The following NALCN variants were observed in gnomAD, a reference collection of about 807,000 sequenced individuals.
NALCN encodes sodium leak channel NALCN.
Under a neutral mutation model 225.3 loss-of-function variants are expected in NALCN, and 111 were observed. That is an observed-to-expected ratio of 0.49 (90% CI 0.42 to 0.58). The LOEUF (loss-of-function observed/expected upper bound fraction) is 0.58, where lower values mean the gene tolerates loss of function less well. Among genes scored for constraint, NALCN ranks in the 20% least tolerant of loss-of-function variants. The probability of loss-of-function intolerance (pLI) is 0.00; values close to 1 mark genes in which losing one functional copy is unlikely to be tolerated. For missense variants in NALCN, 1,378 were observed against 2,202.4 expected, an observed-to-expected ratio of 0.63 and a Z score of 7.49; for synonymous variants, 764 against 769.0, an observed-to-expected ratio of 0.99 and a Z score of 0.11.
chr13:101,236,680 C>T lies in NALCN; in HGVS notation c.1434+1075G>A, dbSNP rs1276775873. Reference sequence around the variant, plus strand: ...ATCGCAAGAACAAAAAACCAAACACCGCATATTCTCACTCATAGGTGGGAA... The same window carrying T: ...ATCGCAAGAACAAAAAACCAAACACTGCATATTCTCACTCATAGGTGGGAA... On this transcript the variant is annotated intron_variant, in intron 12 of 43. Transcript: ENST00000251127. 3.4e-4 allele frequency among the ~76,000 whole-genome samples: 50 copies of T among 147,752 alleles called. 1 individual carries two copies. Among genetic ancestry groups the T allele is most frequent in the Non-Finnish European group, 6.8e-4 (46 of 67,430 alleles).
intron 18 of NALCN, among the ~76,000 whole-genome samples, chr13:101,118,680 G>A (rs1473379760): frequency 1.3e-5 from 2 of 152,124 alleles, no homozygotes; most frequent in Non-Finnish European, 2.9e-5. Flanking sequence ...GAATTGCAAA[G>A]ATAAATATTT....
chr13:101,215,681 CT>C (rs58105302), intron 13 of NALCN, among the ~76,000 whole-genome samples: 2 of 150,770 alleles, frequency 1.3e-5, no homozygotes, highest in East Asian at 1.9e-4. Flanking sequence ...TGGAGGCTTA[CT>C]TTTTTTTTCC....
In NALCN at chr13:101,150,153, TGTTG is replaced by T. The variant is rs1395659085; in HGVS notation, c.1840-5261_1840-5258del. ...CCAGACGCAACAACAGAGTACATAC[TGTTG>T]TATGTACTCCATTCCACGTGGAGGA... On this transcript the variant is annotated intron_variant, in intron 15 of 43. Transcript: ENST00000251127. 2.9e-3 allele frequency among the ~76,000 whole-genome samples: 28 copies of T among 9,516 alleles called. No homozygotes were observed. In the South Asian group the frequency reaches 0.031, roughly 10 times the overall value. 6.2% of individuals were successfully genotyped at this position (9,516 alleles called of 152,430 possible).
chr13:101,318,319 C>T (rs1263717696), intron 7 of NALCN, among the ~76,000 whole-genome samples: 2 of 152,096 alleles, frequency 1.3e-5, no homozygotes, highest in East Asian at 1.9e-4. Context: ...CAGCCAGACA[C>T]GCTGGCTGCG....
At chr13:101,099,010 A>T (rs1362728535) in intron 27 of NALCN, among the ~76,000 whole-genome samples, 1 of 147,492 alleles carries the variant, frequency 6.8e-6, no homozygotes, top group East Asian at 1.9e-4. Flanking sequence ...TGTCACCATC[A>T]ATCTTCAGCT....
At chr13:101,324,063 T>C (rs995450251) in intron 7 of NALCN, among the ~76,000 whole-genome samples, 4 of 152,174 alleles carry the variant, frequency 2.6e-5, no homozygotes, top group Non-Finnish European at 5.9e-5. Flanking sequence ...TCAGAAAATA[T>C]GCATTATTAG....
At chr13:101,267,529 G>A (rs1339316733) in intron 10 of NALCN, among the ~76,000 whole-genome samples, 1 of 152,234 alleles carries the variant, frequency 6.6e-6, no homozygotes, top group Non-Finnish European at 1.5e-5. Context: ...TGAGATGGTA[G>A]CAAAGGTGAA....
chr13:101,295,546 C>A (rs918927370), intron 7 of NALCN, among the ~76,000 whole-genome samples: 1 of 152,082 alleles, frequency 6.6e-6, no homozygotes, highest in Non-Finnish European at 1.5e-5. Flanking sequence ...AAAAAGAGCA[C>A]ATTGAACTAG....
chr13:101,179,259 G>A (rs556097033), intron 14 of NALCN, among the ~76,000 whole-genome samples: 11 of 152,092 alleles, frequency 7.2e-5, no homozygotes, highest in Admixed American at 1.3e-4. Context: ...AGTGAGTTTC[G>A]GTGCTCTCGT....
chr13:101,292,019 T>A lies in NALCN; in HGVS notation c.1018A>T (p.Ser340Cys). Reference protein sequence around the residue: ...VQFQQMWGSRSSTTSTATTQM... With the variant: ...VQFQQMWGSRCSTTSTATTQM... Reference sequence around the variant, plus strand: ...GTGGTGGCTGTTGAGGTAGTGCTGCTTCTCGATCCCCACATTTGTTGAAAC... The same window carrying A: ...GTGGTGGCTGTTGAGGTAGTGCTGCATCTCGATCCCCACATTTGTTGAAAC... The change falls in exon 9 of 44, where the codon AGC becomes TGC. Residue 340 changes from serine to cysteine, a missense_variant. Transcript: ENST00000251127. The surrounding 1 kb of genome is among the most constrained non-coding windows in gnomAD (Gnocchi z 4.3). 6.2e-7 allele frequency: 1 copy of A among 1,614,110 alleles called. No individual in the cohort carries two copies. Among genetic ancestry groups the A allele is most frequent in the Middle Eastern group, 1.7e-4 (1 of 6,060 alleles).
At chr13:101,123,524 G>T (rs2036082006) in intron 18 of NALCN, among the ~76,000 whole-genome samples, 1 of 152,070 alleles carries the variant, frequency 6.6e-6, no homozygotes, top group African/African-American at 2.4e-5. Context: ...TGGGGCGCAG[G>T]TTGTCTATTT....
intron 13 of NALCN, among the ~76,000 whole-genome samples, chr13:101,201,063 T>C (rs1254083422): frequency 6.6e-6 from 1 of 152,208 alleles, no homozygotes; most frequent in East Asian, 1.9e-4. Flanking sequence ...TTTGTGTGCA[T>C]ATAAATGCTT....
At chr13:101,091,965 T>C (rs2034255938) in intron 28 of NALCN, among the ~76,000 whole-genome samples, 1 of 152,200 alleles carries the variant, frequency 6.6e-6, no homozygotes, top group African/African-American at 2.4e-5. Context: ...TTTTCAGTTT[T>C]AATCATGTAA....
intron 7 of NALCN, among the ~76,000 whole-genome samples, chr13:101,330,482 C>A (rs1043055904): frequency 3.3e-5 from 5 of 152,110 alleles, no homozygotes; most frequent in Admixed American, 2.0e-4. Context: ...TGGAAGAACC[C>A]TGGCCTCCAG....
chr13:101,314,971 C>G (rs9557614), intron 7 of NALCN, among the ~76,000 whole-genome samples: 2 of 125,170 alleles, frequency 1.6e-5, no homozygotes, highest in African/African-American at 6.3e-5. Context: ...GCTGCCTGAA[C>G]GTACCTCCAG....
intron 13 of NALCN, among the ~76,000 whole-genome samples, chr13:101,196,767 TC>T (rs1012346319): frequency 2.0e-5 from 3 of 152,094 alleles, no homozygotes; most frequent in Admixed American, 1.3e-4. Flanking sequence ...AGTGTTCACT[TC>T]CCCAAATTCA....
intron 15 of NALCN, among the ~76,000 whole-genome samples, chr13:101,168,842 A>G (rs977568882): frequency 1.3e-5 from 2 of 152,186 alleles, no homozygotes; most frequent in Non-Finnish European, 2.9e-5. Flanking sequence ...CATTAGCCAC[A>G]GCAAACTCTT....
At chr13:101,205,790 A>C (rs1376448425) in intron 13 of NALCN, among the ~76,000 whole-genome samples, 1 of 152,104 alleles carries the variant, frequency 6.6e-6, no homozygotes, top group Non-Finnish European at 1.5e-5. Flanking sequence ...TTGTACATGA[A>C]ATTGATATTT....
At chr13:101,278,854 G>C (rs1385700165) in intron 10 of NALCN, among the ~76,000 whole-genome samples, 2 of 152,202 alleles carry the variant, frequency 1.3e-5, no homozygotes, top group Admixed American at 1.3e-4. Flanking sequence ...GTATGGAAAA[G>C]GGTGTTATTG....
Sources: gnomAD v4.1 joint callset for allele counts (sites outside exome capture counted in the v4.1 genomes callset) on GRCh38, gnomAD v4.1.1 for gene constraint, Gnocchi (gnomAD v3.1) non-coding constraint, MANE v1.5 for transcripts, NCBI Gene and HGNC (gene_info 2026-07-23, HGNC 2026-07-21) for gene names.